The following ZNF804A variants were observed in gnomAD, a reference collection of about 807,000 sequenced individuals.
ZNF804A encodes the protein zinc finger protein 804A.
Under a neutral mutation model 16.5 loss-of-function variants are expected in ZNF804A, and 2 were observed. The ratio of observed to expected loss-of-function variants is 0.12; its 90% CI spans 0.05 to 0.38. The LOEUF (loss-of-function observed/expected upper bound fraction) is 0.38, where lower values mean the gene tolerates loss of function less well. ZNF804A is among the 10% of genes least tolerant of loss of function. The pLI is 0.99. For missense variants in ZNF804A, 1,473 were observed against 1,390.7 expected, an observed-to-expected ratio of 1.06 and a Z score of -0.94; for synonymous variants, 534 against 489.6, an observed-to-expected ratio of 1.09 and a Z score of -1.20.
intron 1 of ZNF804A, among the ~76,000 whole-genome samples, chr2:184,772,955 A>G (rs1327999148): frequency 2.2e-5 from 3 of 134,224 alleles, no homozygotes; most frequent in African/African-American, 1.0e-4. Flanking sequence ...ATACATATAT[A>G]CATATACATA....
At chr2:184,805,029 A>G (rs1189957942) in intron 1 of ZNF804A, among the ~76,000 whole-genome samples, 1 of 152,174 alleles carries the variant, frequency 6.6e-6, no homozygotes, top group Non-Finnish European at 1.5e-5. Context: ...ACATGTTCCC[A>G]CATAAGGTTG....
chr2:184,617,769 C>A (rs1474410366), intron 1 of ZNF804A, among the ~76,000 whole-genome samples: 1 of 151,552 alleles, frequency 6.6e-6, no homozygotes, highest in Non-Finnish European at 1.5e-5. Context: ...TTCTCTAAAT[C>A]ATATTTTCAA....
chr2:184,641,089 G>T (rs1691789352), intron 1 of ZNF804A, among the ~76,000 whole-genome samples: 2 of 152,162 alleles, frequency 1.3e-5, no homozygotes, highest in South Asian at 2.1e-4. Context: ...TGAGTAGCTG[G>T]GATTACAGGA....
At chr2:184,868,952 A>T (rs889181079) in intron 2 of ZNF804A, among the ~76,000 whole-genome samples, 1 of 152,066 alleles carries the variant, frequency 6.6e-6, no homozygotes, top group East Asian at 1.9e-4. Context: ...TTTACAAGAA[A>T]CAGGTACAGG....
intron 1 of ZNF804A, among the ~76,000 whole-genome samples, chr2:184,854,123 A>C (rs1271624162): frequency 6.6e-6 from 1 of 151,830 alleles, no homozygotes; most frequent in East Asian, 1.9e-4. Context: ...GCCTGTTCAG[A>C]GTTTCTATTA....
intron 1 of ZNF804A, among the ~76,000 whole-genome samples, chr2:184,732,893 G>A (rs1693542289): frequency 6.6e-6 from 1 of 152,086 alleles, no homozygotes; most frequent in South Asian, 2.1e-4. Flanking sequence ...CAACCTTGCT[G>A]TAATTGCCTA....
intron 1 of ZNF804A, among the ~76,000 whole-genome samples, chr2:184,627,202 T>C (rs1691519566): frequency 6.6e-6 from 1 of 152,180 alleles, no homozygotes; most frequent in Non-Finnish European, 1.5e-5. Context: ...TTGTCAACTC[T>C]GATCATTAAG....
chr2:184,877,043 G>C (rs1684704312), intron 2 of ZNF804A, among the ~76,000 whole-genome samples: 1 of 151,778 alleles, frequency 6.6e-6, no homozygotes, highest in Non-Finnish European at 1.5e-5. Flanking sequence ...AAGCCAATTA[G>C]AGTCAAAGTA....
chr2:184,711,171 TTTTG>T (rs1304807977), intron 1 of ZNF804A, among the ~76,000 whole-genome samples: 5 of 151,770 alleles, frequency 3.3e-5, no homozygotes, highest in African/African-American at 1.2e-4. Context: ...CATTTTAATC[TTTTG>T]TTTACTTTTT....
rs1487291154 is a variant in ZNF804A, at chr2:184,936,212, G to A, written c.816G>A (p.Glu272=). 6.2e-7 allele frequency: 1 copy of A among 1,613,944 alleles called. No individual in the cohort carries two copies. The highest frequency in any genetic ancestry group is 1.3e-5 in the African/African-American group (1 of 75,014). The change falls in exon 4 of 4, where the codon GAG becomes GAA. Residue 272 remains glutamate (E), a synonymous_variant. Transcript: ENST00000302277. ...SSPTDVLLSS[E]EKTNSFHPPE... is the part of the protein sequence containing the mutation. ...CAACAGATGTGCTTTTGAGTTCTGA[G>A]GAGAAAACTAACTCTTTTCATCCAC... is the stretch of plus-strand genomic sequence containing the variant.
intron 1 of ZNF804A, among the ~76,000 whole-genome samples, chr2:184,686,469 T>A (rs1692634644): frequency 1.3e-5 from 2 of 152,276 alleles, no homozygotes; most frequent in Non-Finnish European, 2.9e-5. Flanking sequence ...GTTGATTCCA[T>A]GTCTGTGGCT....
chr2:184,905,876 C>T (rs1474008231), intron 2 of ZNF804A, among the ~76,000 whole-genome samples: 2 of 152,120 alleles, frequency 1.3e-5, no homozygotes, highest in Admixed American at 1.3e-4. Flanking sequence ...CACCAAGGCT[C>T]ATTCATCATT....
At chr2:184,863,506 G>C (rs1270332210) in intron 1 of ZNF804A, among the ~76,000 whole-genome samples, 2 of 151,430 alleles carry the variant, frequency 1.3e-5, no homozygotes, top group Non-Finnish European at 2.9e-5. Context: ...TTGTAGACTG[G>C]GTAAACAGAA....
At chr2:184,765,019 A>G (rs1694096275) in intron 1 of ZNF804A, among the ~76,000 whole-genome samples, 1 of 152,206 alleles carries the variant, frequency 6.6e-6, no homozygotes, top group South Asian at 2.1e-4. Flanking sequence ...TGTGAATTCA[A>G]TTTTATGTGA....
At chr2:184,902,646 T>C (rs557858470) in intron 2 of ZNF804A, 1 of 152,284 alleles carries the variant, frequency 6.6e-6, no homozygotes, top group South Asian at 2.1e-4. Flanking sequence ...GTGCTCTTAA[T>C]GACAATAAAA....
chr2:184,659,691 T>C (rs1559119765), intron 1 of ZNF804A, among the ~76,000 whole-genome samples: 1 of 152,174 alleles, frequency 6.6e-6, no homozygotes, highest in Admixed American at 6.5e-5. Context: ...CCAAAAGCCA[T>C]GTTCTTAAGT....
chr2:184,711,908 AT>A (rs1693135235), intron 1 of ZNF804A, among the ~76,000 whole-genome samples: 1 of 151,714 alleles, frequency 6.6e-6, no homozygotes, highest in Admixed American at 6.6e-5. Flanking sequence ...GAAATTCGGA[AT>A]TGTAATGCGT....
At chr2:184,675,030 G>A (rs553226853) in intron 1 of ZNF804A, among the ~76,000 whole-genome samples, 3 of 151,704 alleles carry the variant, frequency 2.0e-5, no homozygotes, top group Admixed American at 6.6e-5. Context: ...ATGTATATAC[G>A]TATGTGCGTG....
intron 1 of ZNF804A, among the ~76,000 whole-genome samples, chr2:184,669,049 G>T (rs1692299499): frequency 6.6e-6 from 1 of 151,856 alleles, no homozygotes; most frequent in East Asian, 1.9e-4. Context: ...TTTTGTGAGG[G>T]AGCATCCCTT....
Sources: gnomAD v4.1 joint callset for allele counts (sites outside exome capture counted in the v4.1 genomes callset) on GRCh38, gnomAD v4.1.1 for gene constraint, MANE v1.5 for transcripts, NCBI Gene and HGNC (gene_info 2026-07-23, HGNC 2026-07-21) for gene names.